The following LRRTM4 variants were observed in gnomAD, a reference collection of about 807,000 sequenced individuals.
LRRTM4 encodes leucine rich repeat transmembrane neuronal 4, also known as leucine-rich repeat transmembrane neuronal protein 4.
Under a neutral mutation model 47.6 loss-of-function variants are expected in LRRTM4, and 25 were observed. The observed-to-expected ratio is 0.53, with a 90% CI of 0.38 to 0.73. The LOEUF is 0.73. Ranked by LOEUF, LRRTM4 falls within the 30% of genes least tolerant of loss-of-function variation. The pLI, the probability that LRRTM4 is intolerant of heterozygous loss-of-function variation, is 0.00. For synonymous variants in LRRTM4, 311 were observed against 269.5 expected (o/e 1.15, Z -1.51); for missense variants, 638 against 713.4 (o/e 0.89, Z 1.20).
chr2:76,878,805 C>A (rs759560253), intron 3 of LRRTM4, among the ~76,000 whole-genome samples: 8 of 151,858 alleles, frequency 5.3e-5, no homozygotes, highest in Non-Finnish European at 8.8e-5. Context: ...ACCCAGGAGG[C>A]GGAACTTGTG....
chr2:77,368,302 A>G (rs1161149770), intron 3 of LRRTM4, among the ~76,000 whole-genome samples: 2 of 151,752 alleles, frequency 1.3e-5, no homozygotes, highest in Non-Finnish European at 2.9e-5. Context: ...GAGGCAGAGG[A>G]ACTGGATTCA....
intron 3 of LRRTM4, among the ~76,000 whole-genome samples, chr2:77,182,714 T>C (rs569605989): frequency 3.3e-5 from 5 of 152,232 alleles, no homozygotes; most frequent in Admixed American, 2.0e-4. Flanking sequence ...CTATGTTGAA[T>C]AGGAGTGGTG....
chr2:77,223,419 G>T (rs1674702881), intron 3 of LRRTM4, among the ~76,000 whole-genome samples: 1 of 152,244 alleles, frequency 6.6e-6, no homozygotes, highest in Non-Finnish European at 1.5e-5. Flanking sequence ...AAGTCAAATT[G>T]TCCCTGTTTG....
At chr2:76,924,523 G>A (rs183778701) in intron 3 of LRRTM4, among the ~76,000 whole-genome samples, 88 of 151,988 alleles carry the variant, frequency 5.8e-4, no homozygotes, top group African/African-American at 2.1e-3. Context: ...AACTTCCACT[G>A]TATGGCAACA....
chr2:77,330,294 C>T (rs1050760160), intron 3 of LRRTM4, among the ~76,000 whole-genome samples: 3 of 152,110 alleles, frequency 2.0e-5, no homozygotes, highest in African/African-American at 7.2e-5. Flanking sequence ...CCCTAATCTT[C>T]ATTACTTACA....
intron 3 of LRRTM4, among the ~76,000 whole-genome samples, chr2:76,857,723 G>A (rs112318291): frequency 4.8e-4 from 73 of 152,174 alleles, no homozygotes; most frequent in African/African-American, 1.5e-3. Context: ...AGTTGTGCCT[G>A]TTTTCTTGGC....
At chr2:77,137,280 G>T (rs2103748880) in intron 3 of LRRTM4, among the ~76,000 whole-genome samples, 1 of 152,030 alleles carries the variant, frequency 6.6e-6, no homozygotes, top group Non-Finnish European at 1.5e-5. Flanking sequence ...AGATCTCTTG[G>T]CAGAAACTCT....
chr2:77,157,960 A>G (rs1672605952), intron 3 of LRRTM4, among the ~76,000 whole-genome samples: 1 of 152,210 alleles, frequency 6.6e-6, no homozygotes, highest in Non-Finnish European at 1.5e-5. Context: ...TGGGTGGGAG[A>G]GAACTTCTGA....
At chr2:76,781,414 G>A (rs1423310094) in intron 3 of LRRTM4, among the ~76,000 whole-genome samples, 1 of 152,264 alleles carries the variant, frequency 6.6e-6, no homozygotes, top group Non-Finnish European at 1.5e-5. Flanking sequence ...GACTCCGTGG[G>A]CGTAGGACCC....
chr2:77,013,139 C>T lies in LRRTM4; in HGVS notation c.1552-264223G>A, dbSNP rs182023959. On this transcript the variant is annotated intron_variant, in intron 3 of 3. Transcript: ENST00000409884. ...TTTCCCATTGAGATAGATCATTACA[C>T]AAAGATCTTCAATCACCCAGCTTTG... Among the ~76,000 whole-genome samples, 8 of 152,042 alleles carry T rather than the reference C, an allele frequency of 5.3e-5. No homozygotes were observed. The East Asian group carries it at 1.5e-3, about 29-fold the overall frequency.
At chr2:77,103,898 A>G (rs1671026038) in intron 3 of LRRTM4, among the ~76,000 whole-genome samples, 1 of 152,080 alleles carries the variant, frequency 6.6e-6, no homozygotes, top group African/African-American at 2.4e-5. Context: ...ATTTAAATAA[A>G]AAGAATTCAA....
chr2:76,954,705 G>A (rs1292289363), intron 3 of LRRTM4, among the ~76,000 whole-genome samples: 1 of 151,628 alleles, frequency 6.6e-6, no homozygotes, highest in African/African-American at 2.4e-5. Context: ...AATTAGAACT[G>A]AAATGAACAT....
chr2:76,752,796 T>C (rs533443494), intron 3 of LRRTM4, among the ~76,000 whole-genome samples: 1 of 152,276 alleles, frequency 6.6e-6, no homozygotes, highest in East Asian at 1.9e-4. Flanking sequence ...CAAAGTATTC[T>C]TAAGTTTTGC....
At chr2:76,797,313 A>C (rs190532835) in intron 3 of LRRTM4, among the ~76,000 whole-genome samples, 2 of 152,110 alleles carry the variant, frequency 1.3e-5, no homozygotes, top group African/African-American at 4.8e-5. Flanking sequence ...CCAATATTCA[A>C]CATTCTTAAA....
At chr2:77,123,694 A>T (rs1671578106) in intron 3 of LRRTM4, among the ~76,000 whole-genome samples, 2 of 152,146 alleles carry the variant, frequency 1.3e-5, no homozygotes, top group East Asian at 3.9e-4. Context: ...TGCTTTTTAA[A>T]TTTTGTTTTC....
intron 3 of LRRTM4, among the ~76,000 whole-genome samples, chr2:77,424,624 G>A (rs763640341): frequency 1.1e-4 from 16 of 152,138 alleles, no homozygotes; most frequent in Non-Finnish European, 1.5e-4. Context: ...CCATTTTAGC[G>A]AAGGACAATT....
intron 3 of LRRTM4, among the ~76,000 whole-genome samples, chr2:77,390,133 A>G (rs1328783445): frequency 6.6e-6 from 1 of 152,068 alleles, no homozygotes; most frequent in East Asian, 1.9e-4. Flanking sequence ...TTTCATATTA[A>G]CACTGCTCAG....
chr2:76,916,344 C>T (rs578061954), intron 3 of LRRTM4, among the ~76,000 whole-genome samples: 6 of 139,786 alleles, frequency 4.3e-5, no homozygotes, highest in Non-Finnish European at 9.0e-5. Flanking sequence ...GCGATCGTGC[C>T]ACCGCACTCC....
chr2:77,007,532 A>C (rs568493233), intron 3 of LRRTM4, among the ~76,000 whole-genome samples: 15 of 152,164 alleles, frequency 9.9e-5, no homozygotes, highest in Non-Finnish European at 2.2e-4. Flanking sequence ...ACCAAGGAAA[A>C]ATTAATTACA....
Sources: gnomAD v4.1 joint callset for allele counts (sites outside exome capture counted in the v4.1 genomes callset) on GRCh38, gnomAD v4.1.1 for gene constraint, MANE v1.5 for transcripts, NCBI Gene and HGNC (gene_info 2026-07-23, HGNC 2026-07-21) for gene names.